The following ERCC1 variants were observed in gnomAD, a reference collection of about 807,000 sequenced individuals.
ERCC1 encodes the protein ERCC excision repair 1, endonuclease non-catalytic subunit.
In ERCC1, 36 loss-of-function variants were observed where a neutral mutation model predicts 37.6. The observed-to-expected ratio is 0.96, with a 90% CI of 0.73 to 1.26. The LOEUF is 1.26. Ranked by LOEUF, ERCC1 falls within the 50% of genes most tolerant of loss-of-function variation. ERCC1 has a pLI of 0.00. For synonymous variants in ERCC1, 156 were observed against 162.1 expected, an observed-to-expected ratio of 0.96 and a Z score of 0.28; for missense variants, 349 against 376.5, an observed-to-expected ratio of 0.93 and a Z score of 0.60.
At chr19:45,431,535 G>T (rs1362692250) in intron 1 of ERCC1, among the ~76,000 whole-genome samples, 1 of 152,184 alleles carries the variant, frequency 6.6e-6, no homozygotes, top group Non-Finnish European at 1.5e-5. Context: ...AAATTAGCTG[G>T]GCGTGGTGGC....
At chr19:45,428,884 A>C (rs539759520), upstream of ERCC1, 9 of 152,066 alleles carry the variant, frequency 5.9e-5, no homozygotes, top group South Asian at 1.9e-3. Flanking sequence ...CGGCTCGGCG[A>C]GCCTCTATTT....
chr19:45,433,539 T>G (rs1414303402), intron 1 of ERCC1, among the ~76,000 whole-genome samples: 1 of 149,478 alleles, frequency 6.7e-6, no homozygotes, highest in Non-Finnish European at 1.5e-5. Context: ...AACAAACAAA[T>G]TAGCCAGGCA....
chr19:45,436,559 G>A (rs929566056), intron 1 of ERCC1: 3 of 152,302 alleles, frequency 2.0e-5, no homozygotes, highest in African/African-American at 7.2e-5. Flanking sequence ...CCAGGAGGCG[G>A]AGCTTGCAGT....
chr19:45,425,799 A>G (rs1193506649), upstream of ERCC1, among the ~76,000 whole-genome samples: 1 of 152,168 alleles, frequency 6.6e-6, no homozygotes, highest in Non-Finnish European at 1.5e-5. Flanking sequence ...CCAAATTCCC[A>G]TACACACACG....
chr19:45,428,285 G>A (rs1414450257), upstream of ERCC1, among the ~76,000 whole-genome samples: 2 of 146,654 alleles, frequency 1.4e-5, no homozygotes, highest in Non-Finnish European at 3.0e-5. Flanking sequence ...TGGGGGTGGG[G>A]GGGTGGGGTC....
intron 1 of ERCC1, among the ~76,000 whole-genome samples, chr19:45,434,577 A>AT (rs1023304226): frequency 1.3e-5 from 2 of 151,644 alleles, no homozygotes; most frequent in Non-Finnish European, 2.9e-5. Flanking sequence ...GTCTTACAGC[A>AT]TTTTTTTGTT....
In ERCC1 at chr19:45,416,488, A is replaced by G. The variant is rs935750838; in HGVS notation, c.602+333T>C. On this transcript the variant is annotated intron_variant, in intron 6 of 9. Coordinates refer to ENST00000300853, the MANE Select transcript of ERCC1 (RefSeq NM_001983.4). Reference sequence around the variant, plus strand: ...CAACATGGCAAAACCCGTCCCTACTAAAAATACAAAAAAATTAGCTGGGCG... The same window carrying G: ...CAACATGGCAAAACCCGTCCCTACTGAAAATACAAAAAAATTAGCTGGGCG... 22 of 297,834 alleles carry G rather than the reference A, an allele frequency of 7.4e-5. No individual in the cohort carries two copies. In the East Asian group the frequency reaches 1.7e-3, roughly 23 times the overall value. The allele number at this position is 297,834 out of a possible 1,614,324, so 18.4% of individuals were successfully genotyped here. A position where few individuals can be genotyped will look rare whatever the true frequency, so the allele number is the denominator to read the frequency against.
intron 1 of ERCC1, among the ~76,000 whole-genome samples, chr19:45,440,248 A>C (rs1599862554): frequency 1.9e-5 from 2 of 102,888 alleles, no homozygotes; most frequent in South Asian, 3.0e-4. Flanking sequence ...CTACACCCCC[A>C]GCGATGTCCC....
intron 5 of ERCC1, 79 bp from the exon 6 acceptor site, chr19:45,416,976 A>G: frequency 9.9e-7 from 1 of 1,009,536 alleles, no homozygotes; most frequent in South Asian, 1.3e-5. Flanking sequence ...AGGTGCCTGT[A>G]ATCCCAGCTA....
intron 2 of ERCC1, among the ~76,000 whole-genome samples, chr19:45,422,720 G>A (rs1469693044): frequency 6.6e-6 from 1 of 152,072 alleles, no homozygotes; most frequent in Non-Finnish European, 1.5e-5. Flanking sequence ...TGGTGCCAGT[G>A]CACTCCAGCC....
Position 45,408,364 on chromosome 19 carries a change from C to T in ERCC1, c.*1311G>A, listed in dbSNP as rs1973476757. 2 of 1,607,716 alleles carry T rather than the reference C, an allele frequency of 1.2e-6. No individual in the cohort carries two copies. The highest frequency in any genetic ancestry group is 1.1e-5 in the South Asian group (1 of 90,772). ...CCCTGTCAGGGAGCCCTCTGCAGCCCATCCCAGCAAGTCCCCCACCACAGA... is the reference window on the plus strand; with the variant it reads ...CCCTGTCAGGGAGCCCTCTGCAGCCTATCCCAGCAAGTCCCCCACCACAGA... On this transcript the variant is annotated 3_prime_UTR_variant, in exon 10 of 10. Transcript: ENST00000300853.
chr19:45,414,898 A>G lies in ERCC1; in HGVS notation c.665T>C (p.Leu222Pro), dbSNP rs768031471. The change falls in exon 7 of 10, where the codon CTC becomes CCC. Residue 222 changes from leucine to proline, a missense_variant. Transcript: ENST00000300853. Reference protein sequence around the residue: ...YKAYEQKPADLLMEKLEQDFV... With the variant: ...YKAYEQKPADPLMEKLEQDFV... ...GTCCTGCTCTAGCTTCTCCATCAGG[A>G]GGTCCGCTGGTTTCTGCTCATAGGC... The G allele has an allele frequency of 5.6e-6, 9 of 1,613,742 alleles. No homozygotes were observed. The African/African-American group carries it at 1.1e-4, about 19-fold the overall frequency.
intron 1 of ERCC1, among the ~76,000 whole-genome samples, chr19:45,442,981 A>G (rs1041349443): frequency 7.2e-5 from 11 of 152,170 alleles, no homozygotes; most frequent in Admixed American, 1.3e-4. Flanking sequence ...TGATTTGCCA[A>G]CTGCCTTAAG....
chr19:45,449,907 T>A (rs1485972877), intron 1 of ERCC1, among the ~76,000 whole-genome samples: 1 of 152,074 alleles, frequency 6.6e-6, no homozygotes, highest in Non-Finnish European at 1.5e-5. Flanking sequence ...AAGGTTGCCG[T>A]GAGCCGAGAT....
intron 1 of ERCC1, among the ~76,000 whole-genome samples, chr19:45,447,837 C>T (rs117565628): frequency 0.011 from 1,717 of 151,972 alleles, 9 homozygotes; most frequent in Middle Eastern, 0.044. Context: ...TGGGGAGTAA[C>T]TCACATAGCA....
chr19:45,443,671 G>A (rs1241191119), intron 1 of ERCC1, among the ~76,000 whole-genome samples: 9 of 152,164 alleles, frequency 5.9e-5, no homozygotes, highest in Non-Finnish European at 4.4e-5. Context: ...CCCGAGGGAA[G>A]TCGCCGGATG....
At position 45,420,312 on chromosome 19, in the gene ERCC1, C is replaced by T. The variant is rs774181735; in HGVS notation, c.425+12G>A. On this transcript the variant is annotated intron_variant, in intron 4 of 9. Transcript: ENST00000300853. The surrounding 1 kb of genome is among the most constrained non-coding windows in gnomAD (Gnocchi z 4.8). ...CCCTTCCTGAAGTCTGGGGTGGCGC[C>T]GCAGAGCTCACCTGAGGAACAGGGC... 3.7e-5 allele frequency: 59 copies of T among 1,591,314 alleles called. No individual in the cohort carries two copies. The Middle Eastern group carries it at 6.6e-4, about 18-fold the overall frequency.
intron 1 of ERCC1, among the ~76,000 whole-genome samples, chr19:45,447,306 G>C (rs1966978268): frequency 8.5e-6 from 1 of 117,968 alleles, no homozygotes; most frequent in Non-Finnish European, 1.7e-5. Flanking sequence ...ACAGAGATTT[G>C]CTCTTGTCAT....
At position 45,409,231 on chromosome 19, in the gene ERCC1, C is replaced by CAAGAAG. The variant is rs35729377; in HGVS notation, c.*438_*443dup. 5 of 1,604,986 alleles carry CAAGAAG rather than the reference C, an allele frequency of 3.1e-6. No individual in the cohort carries two copies. Among genetic ancestry groups the CAAGAAG allele is most frequent in the Non-Finnish European group, 1.7e-6 (2 of 1,173,490 alleles). On this transcript the variant is annotated 3_prime_UTR_variant, in exon 10 of 10. Transcript: ENST00000300853. ...AGCCTCAGGCAGCTCCCACATCCAC[C>CAAGAAG]AAGAAGAAGAAGAAGAAGAAAGAGA... is the stretch of plus-strand genomic sequence containing the variant.
Sources: gnomAD v4.1 joint callset for allele counts (sites outside exome capture counted in the v4.1 genomes callset) on GRCh38, gnomAD v4.1.1 for gene constraint, Gnocchi (gnomAD v3.1) non-coding constraint, MANE v1.5 for transcripts, NCBI Gene and HGNC (gene_info 2026-07-23, HGNC 2026-07-21) for gene names.